Variants in DYNAP observed in about 807,000 individuals in gnomAD.
DYNAP encodes the protein dynactin associated protein, also known as dynactin-associated protein.
DYNAP carries 7 observed loss-of-function variants against 8.5 expected under a neutral mutation model. The observed-to-expected ratio is 0.82, with a 90% CI of 0.47 to 1.54. DYNAP has a LOEUF of 1.54. DYNAP is among the 40% of genes most tolerant of loss of function. DYNAP has a pLI of 0.01. For synonymous variants in DYNAP, 77 were observed against 77.9 expected, an observed-to-expected ratio of 0.99 and a Z score of 0.06; for missense variants, 256 against 224.3, an observed-to-expected ratio of 1.14 and a Z score of -0.90.
chr18:54,587,231 G>C (rs1910910723), upstream of DYNAP, among the ~76,000 whole-genome samples: 5 of 152,106 alleles, frequency 3.3e-5, no homozygotes, highest in Admixed American at 2.6e-4. Flanking sequence ...AGAATAAGGA[G>C]GGACGTAACT....
At chr18:54,594,836 T>A (rs1202167842) in intron 1 of DYNAP, 103 bp from the exon 2 acceptor site, 2 of 1,285,172 alleles carry the variant, frequency 1.6e-6, no homozygotes, top group Non-Finnish European at 2.1e-6. Flanking sequence ...TTATTCCTTT[T>A]AAAAGTCATA....
chr18:54,579,788 T>C, the DYNAP span, among the ~76,000 whole-genome samples: 1 of 152,228 alleles, frequency 6.6e-6, no homozygotes, highest in Non-Finnish European at 1.5e-5. Flanking sequence ...GATGGAATTT[T>C]CATTATTTGA....
chr18:54,580,444 T>G, the DYNAP span, among the ~76,000 whole-genome samples: 1 of 152,216 alleles, frequency 6.6e-6, no homozygotes. Context: ...CCACTTCAAC[T>G]GAGCCTTCAA....
rs1415085026 is a variant in DYNAP at position 54,598,993 on chromosome 18, A to G, written c.*848A>G. On this transcript the variant is annotated 3_prime_UTR_variant, in exon 3 of 3. Coordinates refer to ENST00000648945, the MANE Select transcript of DYNAP (RefSeq NM_173629.3). ...TTCAGATAAACTAAACCAATTGTCAACCAGAACATGTTTAAATTTACCTAT... is the reference window on the plus strand; with the variant it reads ...TTCAGATAAACTAAACCAATTGTCAGCCAGAACATGTTTAAATTTACCTAT... The G allele has an allele frequency of 1.3e-5, 2 of 152,152 alleles. No individual in the cohort carries two copies. The highest frequency in any genetic ancestry group is 4.8e-5 in the African/African-American group (2 of 41,446). The allele number at this position is 152,152 out of a possible 1,614,324, so 9.4% of individuals were successfully genotyped here.
upstream of DYNAP, among the ~76,000 whole-genome samples, chr18:54,584,970 A>T (rs1386288169): frequency 6.6e-6 from 1 of 152,140 alleles, no homozygotes; most frequent in Non-Finnish European, 1.5e-5. Flanking sequence ...GGGGCAATGG[A>T]TGCTATTTAG....
the DYNAP span, among the ~76,000 whole-genome samples, chr18:54,580,612 A>G: frequency 3.5e-4 from 54 of 152,234 alleles, no homozygotes; most frequent in African/African-American, 1.2e-3. Context: ...GTGGCCTCCT[A>G]TAAGGCAACC....
chr18:54,576,801 CCAACAA>C, the DYNAP span, among the ~76,000 whole-genome samples: 116,089 of 149,514 alleles, frequency 0.78, 45,137 homozygotes, highest in Middle Eastern at 0.9. Context: ...AGATCTTATC[CCAACAA>C]CAACAACAAC....
In DYNAP at chr18:54,598,193, A is replaced by G; in HGVS notation, c.*48A>G. 2.6e-6 allele frequency: 4 copies of G among 1,546,948 alleles called. No homozygotes were observed. Among genetic ancestry groups the G allele is most frequent in the South Asian group, 1.2e-5 (1 of 80,860 alleles). On this transcript the variant is annotated 3_prime_UTR_variant, in exon 3 of 3. Coordinates refer to ENST00000648945, the MANE Select transcript of DYNAP (RefSeq NM_173629.3). ...TTCAACTGAAACTTCAACCTCTACC[A>G]CTTCAACTCAGTTTGCAACTATAAT...
chr18:54,597,662 C>A, intron 2 of DYNAP, 151 bp from the exon 3 acceptor site: 1 of 803,810 alleles, frequency 1.2e-6, no homozygotes. Context: ...TTATTTCCAC[C>A]TGCATGAAAA....
At chr18:54,587,420 A>G (rs12455540), upstream of DYNAP, among the ~76,000 whole-genome samples, 3,256 of 152,266 alleles carry the variant, frequency 0.021, 77 homozygotes, top group Admixed American at 0.072. Flanking sequence ...AACCCATCAT[A>G]CCTCATGTGA....
At chr18:54,594,402 T>TA (rs1246301515) in intron 1 of DYNAP, among the ~76,000 whole-genome samples, 1 of 152,190 alleles carries the variant, frequency 6.6e-6, no homozygotes, top group Non-Finnish European at 1.5e-5. Flanking sequence ...TAGTATATAC[T>TA]ACATTACTGT....
upstream of DYNAP, among the ~76,000 whole-genome samples, chr18:54,585,400 T>C (rs570579102): frequency 3.9e-5 from 6 of 152,224 alleles, no homozygotes; most frequent in Admixed American, 3.3e-4. Context: ...ATCTAGTTAA[T>C]ACCGATTTTC....
chr18:54,576,876 C>G, the DYNAP span, among the ~76,000 whole-genome samples: 6 of 152,170 alleles, frequency 3.9e-5, no homozygotes, highest in African/African-American at 1.4e-4. Flanking sequence ...GACAAAACTA[C>G]TTTGCCTTGA....
the DYNAP span, among the ~76,000 whole-genome samples, chr18:54,576,092 G>T: frequency 6.6e-6 from 1 of 152,162 alleles, no homozygotes. Flanking sequence ...AATTATATAT[G>T]TGTGTCCCTG....
the DYNAP span, among the ~76,000 whole-genome samples, chr18:54,578,787 AT>A: frequency 6.6e-6 from 1 of 151,830 alleles, no homozygotes; most frequent in South Asian, 2.1e-4. Flanking sequence ...TTTTTATTTT[AT>A]TTTTTATTTT....
chr18:54,595,107 A>T lies in DYNAP; in HGVS notation c.222+4A>T, dbSNP rs773879229. 3 of 1,610,236 alleles carry T rather than the reference A, an allele frequency of 1.9e-6. No individual in the cohort carries two copies. The African/African-American group carries it at 4.0e-5, about 21-fold the overall frequency. On this transcript the variant is annotated splice_donor_region_variant and intron_variant, in intron 2 of 2. Transcript: ENST00000648945. ...GTCAGAATCCTGTAACACACAGGTA[A>T]TGTGTAGCACGGGAGCTTTTATTCA...
At chr18:54,582,678 T>C in the DYNAP span, among the ~76,000 whole-genome samples, 5 of 152,216 alleles carry the variant, frequency 3.3e-5, no homozygotes, top group Non-Finnish European at 5.9e-5. Flanking sequence ...AATGCTGTTG[T>C]CCCTCTCCTT....
Position 54,598,167 on chromosome 18 carries a change from C to G in DYNAP, c.*22C>G. The G allele has an allele frequency of 6.3e-7, 1 of 1,581,210 alleles. No homozygotes were observed. Among genetic ancestry groups the G allele is most frequent in the Non-Finnish European group, 8.6e-7 (1 of 1,161,634 alleles). On this transcript the variant is annotated 3_prime_UTR_variant, in exon 3 of 3. Coordinates refer to ENST00000648945, the MANE Select transcript of DYNAP (RefSeq NM_173629.3). ...ATAATTTGAACAGCCATAGCCATCACTTCAACTGAAACTTCAACCTCTACC... is the reference window on the plus strand; with the variant it reads ...ATAATTTGAACAGCCATAGCCATCAGTTCAACTGAAACTTCAACCTCTACC...
rs145118600 is a variant in DYNAP at position 54,592,276 on chromosome 18, GAA to G, written c.57+945_57+946del. On this transcript the variant is annotated intron_variant, in intron 1 of 2. Transcript: ENST00000648945. ...TTCAAGATGTTCAGATACTCAGATG[GAA>G]AAAAAAATTATCCTTGGTCAGGTAT... 2.2e-3 allele frequency among the ~76,000 whole-genome samples: 334 copies of G among 150,478 alleles called. 2 individuals carry two copies. Among genetic ancestry groups the G allele is most frequent in the African/African-American group, 7.2e-3 (295 of 41,110 alleles).
Sources: allele counts gnomAD v4.1 joint callset (sites outside exome capture counted in the v4.1 genomes callset), GRCh38; gene constraint gnomAD v4.1.1; transcripts MANE v1.5; gene names NCBI Gene and HGNC (gene_info 2026-07-23, HGNC 2026-07-21).